Variants in RAB38 observed in about 807,000 individuals in gnomAD.
RAB38 encodes the protein ras-related protein Rab-38.
A neutral mutation model predicts 18.4 loss-of-function variants in RAB38; 15 were observed. The ratio of observed to expected loss-of-function variants is 0.82; its 90% CI spans 0.55 to 1.26. RAB38 has a LOEUF of 1.26. RAB38 is among the 50% of genes most tolerant of loss of function. RAB38 has a pLI of 0.00. For synonymous variants in RAB38, 101 were observed against 104.4 expected (o/e 0.97, Z 0.20); for missense variants, 294 against 267.4 (o/e 1.10, Z -0.69).
the RAB38 span, among the ~76,000 whole-genome samples, chr11:87,814,016 C>A: frequency 6.6e-6 from 1 of 152,098 alleles, no homozygotes; most frequent in Admixed American, 6.5e-5. Context: ...CATGTGTAAT[C>A]TTACTAAGAG....
At chr11:88,110,070 T>A (rs143443627), downstream of RAB38, among the ~76,000 whole-genome samples, 1 of 152,188 alleles carries the variant, frequency 6.6e-6, no homozygotes, top group Admixed American at 6.5e-5. Context: ...TATCCACACG[T>A]ATGTTTATTG....
the RAB38 span, among the ~76,000 whole-genome samples, chr11:87,874,482 C>A: frequency 6.6e-6 from 1 of 151,220 alleles, no homozygotes; most frequent in Non-Finnish European, 1.5e-5. Flanking sequence ...GGGAACATCA[C>A]ACACCGGGGC....
the RAB38 span, among the ~76,000 whole-genome samples, chr11:88,030,137 C>T: frequency 3.3e-5 from 5 of 152,020 alleles, no homozygotes; most frequent in Non-Finnish European, 5.9e-5. Context: ...CTACTGGGTA[C>T]ATAACGAAAT....
the RAB38 span, among the ~76,000 whole-genome samples, chr11:87,941,214 G>GATATATATATATATATATAT: frequency 8.9e-3 from 558 of 62,398 alleles, 32 homozygotes; most frequent in African/African-American, 0.011. Flanking sequence ...AAATATATGA[G>GATATATATATATATATATAT]ATATATATAT....
chr11:87,943,176 A>C, the RAB38 span, among the ~76,000 whole-genome samples: 1 of 152,136 alleles, frequency 6.6e-6, no homozygotes, highest in Admixed American at 6.6e-5. Flanking sequence ...CCTATTTTGG[A>C]GATGTCTCTA....
chr11:87,977,875 A>G, the RAB38 span, among the ~76,000 whole-genome samples: 1 of 111,532 alleles, frequency 9.0e-6, no homozygotes, highest in Non-Finnish European at 1.7e-5. Context: ...ACAAATATAT[A>G]TAAAGATGTA....
chr11:87,934,013 C>T, the RAB38 span, among the ~76,000 whole-genome samples: 7 of 152,034 alleles, frequency 4.6e-5, no homozygotes, highest in East Asian at 9.7e-4. Context: ...GGGTTTCTAC[C>T]ATGTCTGGGT....
chr11:87,866,700 T>C, the RAB38 span, among the ~76,000 whole-genome samples: 3 of 151,844 alleles, frequency 2.0e-5, no homozygotes, highest in East Asian at 2.0e-4. Flanking sequence ...CTTAAACTAA[T>C]TGGGATAATA....
the RAB38 span, among the ~76,000 whole-genome samples, chr11:88,103,929 T>G: frequency 2.6e-5 from 4 of 152,082 alleles, no homozygotes; most frequent in Non-Finnish European, 1.5e-5. Flanking sequence ...CAGCCAGCTT[T>G]CTTGCCAGAA....
the RAB38 span, among the ~76,000 whole-genome samples, chr11:88,108,005 T>G: frequency 1.3e-5 from 2 of 152,166 alleles, no homozygotes; most frequent in Admixed American, 1.3e-4. Context: ...AGATTTCCAT[T>G]CTTTTGCATT....
chr11:88,027,185 T>C, the RAB38 span, among the ~76,000 whole-genome samples: 3 of 152,222 alleles, frequency 2.0e-5, no homozygotes, highest in Non-Finnish European at 2.9e-5. Flanking sequence ...GTGGTGCATA[T>C]TAACTTTTGT....
chr11:87,894,737 TA>T, the RAB38 span, among the ~76,000 whole-genome samples: 14 of 149,008 alleles, frequency 9.4e-5, no homozygotes, highest in South Asian at 2.1e-4. Flanking sequence ...TATATATATA[TA>T]AAAAATATAT....
chr11:88,157,199 C>G (rs302656), intron 1 of RAB38, among the ~76,000 whole-genome samples: 2 of 152,160 alleles, frequency 1.3e-5, no homozygotes, highest in African/African-American at 4.8e-5. Flanking sequence ...GTCATTCCTA[C>G]GTCAGATAAA....
At chr11:87,960,661 C>T in the RAB38 span, among the ~76,000 whole-genome samples, 17 of 152,220 alleles carry the variant, frequency 1.1e-4, no homozygotes, top group Middle Eastern at 3.4e-3. Flanking sequence ...ACAAGGTGAG[C>T]GACTAACCTG....
the RAB38 span, among the ~76,000 whole-genome samples, chr11:87,863,675 T>G: frequency 6.6e-6 from 1 of 151,808 alleles, no homozygotes; most frequent in Non-Finnish European, 1.5e-5. Flanking sequence ...CATTGCTTGA[T>G]AGAATCACTT....
intron 2 of RAB38, among the ~76,000 whole-genome samples, chr11:88,148,285 T>C (rs2134824967): frequency 6.6e-6 from 1 of 152,270 alleles, no homozygotes; most frequent in South Asian, 2.1e-4. Context: ...CAAAAGAACA[T>C]CCCACTGTGA....
the RAB38 span, among the ~76,000 whole-genome samples, chr11:87,977,465 A>G: frequency 2.1e-5 from 1 of 46,792 alleles, no homozygotes; most frequent in South Asian, 5.6e-4. Context: ...TAATATAATT[A>G]TATATTACAT....
the RAB38 span, among the ~76,000 whole-genome samples, chr11:88,056,259 C>A: frequency 6.6e-6 from 1 of 152,040 alleles, no homozygotes; most frequent in African/African-American, 2.4e-5. Flanking sequence ...ACTAAGGGAG[C>A]CACACTGTTT....
the RAB38 span, among the ~76,000 whole-genome samples, chr11:87,945,547 G>A: frequency 6.6e-6 from 1 of 152,074 alleles, no homozygotes; most frequent in East Asian, 1.9e-4. Flanking sequence ...GGTTGATTAA[G>A]GAAGGAGCAG....
Sources: gnomAD v4.1 joint callset for allele counts (sites outside exome capture counted in the v4.1 genomes callset) on GRCh38, gnomAD v4.1.1 for gene constraint, MANE v1.5 for transcripts, NCBI Gene and HGNC (gene_info 2026-07-23, HGNC 2026-07-21) for gene names.